Variants in RALB observed in about 807,000 individuals in gnomAD.
The protein encoded by RALB is RAS like proto-oncogene B.
RALB carries 16 observed loss-of-function variants against 21.3 expected under a neutral mutation model. The ratio of observed to expected loss-of-function variants is 0.75; its 90% CI spans 0.51 to 1.14. The LOEUF (loss-of-function observed/expected upper bound fraction) is 1.14, where lower values mean the gene tolerates loss of function less well. RALB is among the 50% of genes most tolerant of loss of function. RALB has a pLI of 0.00. For synonymous variants in RALB, 93 were observed against 96.1 expected (o/e 0.97, Z 0.19); for missense variants, 161 against 256.2 (o/e 0.63, Z 2.54).
upstream of RALB, among the ~76,000 whole-genome samples, chr2:120,248,792 C>A (rs1055035486): frequency 2.0e-5 from 3 of 152,052 alleles, no homozygotes; most frequent in African/African-American, 7.2e-5. Flanking sequence ...CTACCTCAGC[C>A]TCCCTGGTAG....
chr2:120,254,090 A>G (rs1689132795), intron 1 of RALB, among the ~76,000 whole-genome samples: 1 of 152,326 alleles, frequency 6.6e-6, no homozygotes, highest in East Asian at 1.9e-4. Context: ...TGGGCCGACC[A>G]TGAAAGGTAG....
intron 1 of RALB, among the ~76,000 whole-genome samples, chr2:120,272,345 G>C (rs1475886640): frequency 1.3e-5 from 2 of 152,178 alleles, no homozygotes; most frequent in East Asian, 3.8e-4. Flanking sequence ...AAGTCTAATT[G>C]CTTTGGGGAA....
At position 120,289,661 on chromosome 2, in the gene RALB, G is replaced by C; in HGVS notation, c.405G>C (p.Arg135=). The part of the protein sequence containing the change: ...VVGNKSDLEE[R]RQVPVEEARS... ...GAAACAAGTCTGACCTAGAGGAGCG[G>C]AGGCAGGTGCCTGTGGAGGAGGCCA... Residue 135 remains arginine, a synonymous_variant, in exon 4 of 5, where the codon CGG becomes CGC. Coordinates refer to ENST00000272519, the MANE Select transcript of RALB (RefSeq NM_002881.3). 6.2e-7 allele frequency: 1 copy of C among 1,614,236 alleles called. No homozygotes were observed. The highest frequency in any genetic ancestry group is 8.5e-7 in the Non-Finnish European group (1 of 1,180,046).
intron 2 of RALB, among the ~76,000 whole-genome samples, chr2:120,284,966 A>C (rs372040854): frequency 1.3e-5 from 2 of 152,216 alleles, no homozygotes; most frequent in South Asian, 4.1e-4. Context: ...GTACTACTTC[A>C]TTCCTTTCTC....
intron 3 of RALB, among the ~76,000 whole-genome samples, chr2:120,287,779 G>A (rs1690203204): frequency 6.6e-6 from 1 of 152,224 alleles, no homozygotes; most frequent in African/African-American, 2.4e-5. Flanking sequence ...GAGATCCTTA[G>A]AAGAAAAAGG....
chr2:120,269,646 A>G (rs1379068958), intron 1 of RALB, among the ~76,000 whole-genome samples: 1 of 152,180 alleles, frequency 6.6e-6, no homozygotes, highest in African/African-American at 2.4e-5. Context: ...GGTGCATTTT[A>G]CAATCCTCTT....
At chr2:120,246,098 C>T (rs995755557) in intron 1 of RALB, among the ~76,000 whole-genome samples, 4 of 152,084 alleles carry the variant, frequency 2.6e-5, no homozygotes, top group African/African-American at 7.2e-5. Flanking sequence ...CTAGCAGATG[C>T]GGGGAAGGAA....
chr2:120,246,834 T>A (rs371984385), intron 1 of RALB, among the ~76,000 whole-genome samples: 2 of 148,318 alleles, frequency 1.3e-5, no homozygotes, highest in African/African-American at 2.5e-5. Flanking sequence ...CCGCTGCGTC[T>A]GGTGTGGAGG....
At chr2:120,244,693 G>C (rs1688942526) in intron 1 of RALB, among the ~76,000 whole-genome samples, 1 of 152,206 alleles carries the variant, frequency 6.6e-6, no homozygotes, top group African/African-American at 2.4e-5. Flanking sequence ...CCTACTGTGG[G>C]CCAGATGCTG....
At chr2:120,277,829 ATATG>A (rs879389919) in intron 1 of RALB, among the ~76,000 whole-genome samples, 1,223 of 119,772 alleles carry the variant, frequency 0.01, 12 homozygotes, top group Middle Eastern at 0.014. Flanking sequence ...AAGTGTGTGA[ATATG>A]TGTGTTTGAA....
At chr2:120,286,833 A>C (rs1558957418) in intron 3 of RALB, among the ~76,000 whole-genome samples, 1 of 152,234 alleles carries the variant, frequency 6.6e-6, no homozygotes, top group African/African-American at 2.4e-5. Context: ...AAAATATGGC[A>C]ACTATTCTCC....
chr2:120,282,041 A>G (rs1247261362), intron 2 of RALB, among the ~76,000 whole-genome samples: 3 of 152,204 alleles, frequency 2.0e-5, no homozygotes, highest in Non-Finnish European at 4.4e-5. Context: ...CGAACAAAGT[A>G]TTAGCCAGCA....
chr2:120,253,029 G>A (rs1413265796), intron 1 of RALB, 49 bp downstream of exon 1: 2 of 961,950 alleles, frequency 2.1e-6, no homozygotes, highest in African/African-American at 1.8e-5. Context: ...GCGCGGGCTG[G>A]GGAGTGGGGT....
intron 1 of RALB, among the ~76,000 whole-genome samples, chr2:120,258,557 G>A (rs989273056): frequency 6.6e-6 from 1 of 152,252 alleles, no homozygotes; most frequent in Non-Finnish European, 1.5e-5. Context: ...TTCATGTGCA[G>A]TGTTAGAAGC....
At chr2:120,285,569 T>TCAAA (rs1258128688) in intron 2 of RALB, among the ~76,000 whole-genome samples, 85 of 68,404 alleles carry the variant, frequency 1.2e-3, no homozygotes, top group African/African-American at 5.9e-3. Flanking sequence ...TAAAGTATAA[T>TCAAA]TAAAAAAGAA....
intron 4 of RALB, among the ~76,000 whole-genome samples, chr2:120,290,844 A>T (rs1361542540): frequency 6.6e-6 from 1 of 152,226 alleles, no homozygotes; most frequent in Non-Finnish European, 1.5e-5. Flanking sequence ...TGCCTTAAAG[A>T]TGAGGCTTTC....
intron 2 of RALB, among the ~76,000 whole-genome samples, chr2:120,283,008 C>T (rs2104648132): frequency 6.6e-6 from 1 of 151,858 alleles, no homozygotes; most frequent in African/African-American, 2.4e-5. Context: ...ATAGAATTTC[C>T]TGGGAGACTT....
intron 1 of RALB, among the ~76,000 whole-genome samples, chr2:120,268,567 G>T (rs773545801): frequency 1.3e-5 from 2 of 152,174 alleles, no homozygotes; most frequent in Admixed American, 1.3e-4. Context: ...GGCCCAGGAC[G>T]GGAGTGTGTG....
At chr2:120,284,494 G>A (rs1397402325) in intron 2 of RALB, among the ~76,000 whole-genome samples, 1 of 152,082 alleles carries the variant, frequency 6.6e-6, no homozygotes, top group Non-Finnish European at 1.5e-5. Context: ...CACTTCCCAG[G>A]TTCAAGTGAT....
Sources: allele counts gnomAD v4.1 joint callset (sites outside exome capture counted in the v4.1 genomes callset), GRCh38; gene constraint gnomAD v4.1.1; transcripts MANE v1.5; gene names NCBI Gene and HGNC (gene_info 2026-07-23, HGNC 2026-07-21).